The following OBI1 variants were observed in gnomAD, a reference collection of about 807,000 sequenced individuals.
OBI1 encodes ORC ubiquitin ligase 1, also known as ring finger protein 219.
A neutral mutation model predicts 62.4 loss-of-function variants in OBI1; 59 were observed. The observed-to-expected ratio is 0.95, with a 90% CI of 0.77 to 1.17. OBI1 has a LOEUF of 1.17. Among genes scored for constraint, OBI1 ranks in the 50% most tolerant of loss-of-function variants. The pLI, the probability that OBI1 is intolerant of heterozygous loss-of-function variation, is 0.00. For missense variants in OBI1, 875 were observed against 830.9 expected, an observed-to-expected ratio of 1.05 and a Z score of -0.65; for synonymous variants, 302 against 292.8, an observed-to-expected ratio of 1.03 and a Z score of -0.32.
Position 78,624,459 on chromosome 13 carries a change from A to G in OBI1, c.639-7337T>C, listed in dbSNP as rs1345252448. 2.6e-5 allele frequency among the ~76,000 whole-genome samples: 4 copies of G among 152,332 alleles called. No homozygotes were observed. In the East Asian group the frequency reaches 7.7e-4, roughly 29 times the overall value. On this transcript the variant is annotated intron_variant, in intron 5 of 5. Coordinates refer to ENST00000282003, the MANE Select transcript of OBI1 (RefSeq NM_024546.4). ...ATTAATAGCTTATATTATTAACACT[A>G]TATTATTCATTTATTTTTGAGACAG...
chr13:78,644,520 G>T (rs535564984), intron 2 of OBI1, among the ~76,000 whole-genome samples: 23 of 151,698 alleles, frequency 1.5e-4, no homozygotes, highest in African/African-American at 5.6e-4. Flanking sequence ...CAGCTTAAAG[G>T]CCACCTACTT....
chr13:78,659,008 T>C, intron 1 of OBI1, 41 bp downstream of exon 1: 1 of 1,586,318 alleles, frequency 6.3e-7, no homozygotes, highest in Non-Finnish European at 8.6e-7. Flanking sequence ...GAGCGACTTA[T>C]CCAACCCCGT....
In OBI1 at chr13:78,615,347, C is replaced by T. The variant is rs930410966; in HGVS notation, c.*233G>A. On this transcript the variant is annotated 3_prime_UTR_variant, in exon 6 of 6. Coordinates refer to ENST00000282003, the MANE Select transcript of OBI1 (RefSeq NM_024546.4). ...CAACCCCAAAACACAAAAATAACCT[C>T]CTCCCTAACTTCTCTGGTCACAAAG... The T allele has an allele frequency of 2.8e-6, 1 of 357,518 alleles. No individual in the cohort carries two copies. The highest frequency in any genetic ancestry group is 2.1e-5 in the African/African-American group (1 of 47,424). The allele number at this position is 357,518 out of a possible 1,614,324, so 22.1% of individuals were successfully genotyped here.
Position 78,647,088 on chromosome 13 carries a change from C to T in OBI1, c.73-2091G>A, listed in dbSNP as rs554953643. ...CTGGAGTAACCAGGGGCACAATGCA[C>T]GGCGGAAAGCCGCAGGGACCTCTGC... is the stretch of plus-strand genomic sequence containing the variant. On this transcript the variant is annotated intron_variant, in intron 1 of 5. Transcript: ENST00000282003. 2.8e-4 allele frequency among the ~76,000 whole-genome samples: 42 copies of T among 152,326 alleles called. No homozygotes were observed. The Middle Eastern group carries it at 0.01, about 37-fold the overall frequency.
chr13:78,624,979 T>C (rs1483383035), intron 5 of OBI1, among the ~76,000 whole-genome samples: 1 of 152,226 alleles, frequency 6.6e-6, no homozygotes, highest in African/African-American at 2.4e-5. Context: ...TTCTCTGCAT[T>C]GCCTGTGAGG....
chr13:78,618,560 G>A (rs1037552970), intron 5 of OBI1, among the ~76,000 whole-genome samples: 1 of 151,962 alleles, frequency 6.6e-6, no homozygotes, highest in Admixed American at 6.6e-5. Context: ...ATCACTGAAG[G>A]AAAAAGCAGA....
At chr13:78,621,249 C>A (rs2137429976) in intron 5 of OBI1, among the ~76,000 whole-genome samples, 1 of 152,336 alleles carries the variant, frequency 6.6e-6, no homozygotes, top group East Asian at 1.9e-4. Context: ...AGTCACCCAA[C>A]AATATGGTTC....
intron 1 of OBI1, among the ~76,000 whole-genome samples, chr13:78,645,484 C>A (rs1432129205): frequency 6.6e-6 from 1 of 152,182 alleles, no homozygotes; most frequent in Non-Finnish European, 1.5e-5. Flanking sequence ...TTCCCCAAAA[C>A]CAAACAGTAA....
intron 4 of OBI1, among the ~76,000 whole-genome samples, chr13:78,635,620 G>C (rs557125037): frequency 1.8e-4 from 28 of 152,226 alleles, no homozygotes; most frequent in South Asian, 6.2e-4. Context: ...CTGGGGTGCT[G>C]TTTAAAAATT....
intron 4 of OBI1, 101 bp downstream of exon 4, chr13:78,638,722 C>CA (rs1876102180): frequency 9.1e-7 from 1 of 1,097,332 alleles, no homozygotes; most frequent in South Asian, 1.6e-5. Flanking sequence ...CCTTTCCTCA[C>CA]AAATCATCTG....
At chr13:78,654,722 T>A (rs1000634674) in intron 1 of OBI1, among the ~76,000 whole-genome samples, 1 of 152,226 alleles carries the variant, frequency 6.6e-6, no homozygotes, top group Admixed American at 6.5e-5. Context: ...ACACAGGAAC[T>A]CCTGCATTAT....
At chr13:78,643,282 A>G (rs1024652238) in intron 2 of OBI1, among the ~76,000 whole-genome samples, 5 of 152,188 alleles carry the variant, frequency 3.3e-5, no homozygotes, top group African/African-American at 1.2e-4. Context: ...ATTCTGCAAG[A>G]AAAGACTTGA....
At chr13:78,623,255 C>T (rs1875565083) in intron 5 of OBI1, among the ~76,000 whole-genome samples, 2 of 138,820 alleles carry the variant, frequency 1.4e-5, no homozygotes, top group South Asian at 4.4e-4. Flanking sequence ...ATGAGATATA[C>T]TGAAAGAGAA....
chr13:78,632,108 C>T (rs1438657514), intron 5 of OBI1, among the ~76,000 whole-genome samples: 1 of 152,124 alleles, frequency 6.6e-6, no homozygotes, highest in Admixed American at 6.5e-5. Flanking sequence ...GAAGCCCTGA[C>T]CTCTAATGTG....
In OBI1 at chr13:78,616,370, G is replaced by A; in HGVS notation, c.1391C>T (p.Thr464Ile). The A allele has an allele frequency of 6.2e-7, 1 of 1,613,722 alleles. No individual in the cohort carries two copies. Residue 464 changes from threonine (T) to isoleucine (I), a missense_variant, in exon 6 of 6, where the codon ACA (threonine) becomes ATA (isoleucine). Physicochemically the swap from Thr to Ile is moderately conservative, Grantham distance 89. Transcript: ENST00000282003. Reference sequence around the variant, plus strand: ...TGTGGAACAACAGTCCCAAAATCCTGTCTTTGGGGAAGAAAAACATTCTGA... The same window carrying A: ...TGTGGAACAACAGTCCCAAAATCCTATCTTTGGGGAAGAAAAACATTCTGA... ...KKSECFSSPK[T>I]GFWDCCSTSY...
chr13:78,638,014 A>G (rs1461255140), intron 4 of OBI1, among the ~76,000 whole-genome samples: 1 of 152,240 alleles, frequency 6.6e-6, no homozygotes, highest in Non-Finnish European at 1.5e-5. Flanking sequence ...TAGTATTTTA[A>G]GGAAATGCAA....
At chr13:78,620,796 T>C (rs529902609) in intron 5 of OBI1, 1 of 362,612 alleles carries the variant, frequency 2.8e-6, no homozygotes, top group South Asian at 2.1e-5. Context: ...TCATAGTCTA[T>C]CACACAGAAA....
chr13:78,632,488 G>C (rs1875884202), intron 5 of OBI1, among the ~76,000 whole-genome samples: 1 of 152,074 alleles, frequency 6.6e-6, no homozygotes, highest in Non-Finnish European at 1.5e-5. Flanking sequence ...CAACTTGTAG[G>C]ATACATTGGA....
intron 1 of OBI1, among the ~76,000 whole-genome samples, chr13:78,649,217 G>GAGATCTCCTGGACAAAATGGACAA (rs1876473882): frequency 1.3e-5 from 2 of 152,282 alleles, no homozygotes; most frequent in Middle Eastern, 3.4e-3. Context: ...GAGATCTCAT[G>GAGATCTCCTGGACAAAATGGACAA]AATGGACAAA....
Sources: allele counts gnomAD v4.1 joint callset (sites outside exome capture counted in the v4.1 genomes callset), GRCh38; gene constraint gnomAD v4.1.1; transcripts MANE v1.5; gene names NCBI Gene and HGNC (gene_info 2026-07-23, HGNC 2026-07-21).